The following CSMD1 variants were observed in gnomAD, a reference collection of about 807,000 sequenced individuals.
The protein encoded by CSMD1 is CUB and Sushi multiple domains 1, also known as CUB and sushi domain-containing protein 1.
CSMD1 carries 213 observed loss-of-function variants against 417.5 expected under a neutral mutation model. The ratio of observed to expected loss-of-function variants is 0.51; its 90% CI spans 0.46 to 0.57. The LOEUF is 0.57. Ranked by LOEUF, CSMD1 falls within the 20% of genes least tolerant of loss-of-function variation. The pLI, the probability that CSMD1 is intolerant of heterozygous loss-of-function variation, is 0.00. For synonymous variants in CSMD1, 2,862 were observed against 1,736.8 expected (o/e 1.65, Z -16.11); for missense variants, 6,923 against 4,529.7 (o/e 1.53, Z -15.17).
chr8:3,833,722 C>T (rs1292378476), intron 5 of CSMD1, among the ~76,000 whole-genome samples: 4 of 152,064 alleles, frequency 2.6e-5, no homozygotes, highest in African/African-American at 9.7e-5. Context: ...TATATAAGGT[C>T]TATGTTGGCA....
intron 2 of CSMD1, among the ~76,000 whole-genome samples, chr8:4,427,764 A>C (rs917699901): frequency 2.0e-5 from 3 of 152,210 alleles, no homozygotes; most frequent in Non-Finnish European, 2.9e-5. Flanking sequence ...CTCTCAATAG[A>C]AACTTCAATT....
At chr8:4,081,248 T>C (rs1000367528) in intron 3 of CSMD1, among the ~76,000 whole-genome samples, 2 of 152,194 alleles carry the variant, frequency 1.3e-5, no homozygotes, top group Non-Finnish European at 2.9e-5. Flanking sequence ...ACAAGCATTG[T>C]GGTAGCTCAT....
intron 3 of CSMD1, among the ~76,000 whole-genome samples, chr8:4,274,155 G>C (rs745499531): frequency 6.6e-6 from 1 of 152,026 alleles, no homozygotes; most frequent in Non-Finnish European, 1.5e-5. Context: ...ACTCACTAAT[G>C]TATTTTTTTG....
chr8:3,414,566 T>G (rs1464919151), intron 12 of CSMD1, among the ~76,000 whole-genome samples: 1 of 152,142 alleles, frequency 6.6e-6, no homozygotes, highest in Non-Finnish European at 1.5e-5. Flanking sequence ...GCCAAACTAT[T>G]TTCTCAAACT....
intron 1 of CSMD1, among the ~76,000 whole-genome samples, chr8:4,843,654 A>G (rs1800965473): frequency 1.3e-5 from 2 of 152,186 alleles, no homozygotes; most frequent in Admixed American, 1.3e-4. Context: ...GAATCTTATT[A>G]AATGAATTTC....
At chr8:4,226,492 T>A (rs887391364) in intron 3 of CSMD1, among the ~76,000 whole-genome samples, 1 of 152,166 alleles carries the variant, frequency 6.6e-6, no homozygotes, top group African/African-American at 2.4e-5. Flanking sequence ...TACAGGACTT[T>A]GCAGTAACAG....
At chr8:4,044,108 T>C (rs1414325978) in intron 3 of CSMD1, among the ~76,000 whole-genome samples, 2 of 152,160 alleles carry the variant, frequency 1.3e-5, no homozygotes, top group Non-Finnish European at 2.9e-5. Context: ...TTATTTGATA[T>C]GATATTTTCT....
At position 4,446,035 on chromosome 8, in the gene CSMD1, G is replaced by A. The variant is rs558816106; in HGVS notation, c.303-25970C>T. Among the ~76,000 whole-genome samples the A allele has an allele frequency of 9.1e-4, 139 of 152,274 alleles. 1 individual carries two copies. Among genetic ancestry groups the A allele is most frequent in the Middle Eastern group, 6.8e-3 (2 of 294 alleles). On this transcript the variant is annotated intron_variant, in intron 2 of 69. Coordinates refer to ENST00000635120, the MANE Select transcript of CSMD1 (RefSeq NM_033225.6). ...ACTCTGTGCCAACTCTTAGGAACTT[G>A]ACACAGCCCAAGAAGAGGAGACGAG...
At chr8:4,594,507 A>G (rs190792879) in intron 2 of CSMD1, among the ~76,000 whole-genome samples, 6 of 151,938 alleles carry the variant, frequency 3.9e-5, no homozygotes, top group Admixed American at 2.6e-4. Context: ...CCCTGAAATG[A>G]TCTGTTTCTA....
chr8:4,930,541 G>T (rs1385341389), intron 1 of CSMD1, among the ~76,000 whole-genome samples: 1 of 152,080 alleles, frequency 6.6e-6, no homozygotes, highest in Admixed American at 6.5e-5. Flanking sequence ...CCAATTCCTT[G>T]CAGCAGCATA....
Position 3,096,960 on chromosome 8 carries a change from T to TA in CSMD1, c.7026dup (p.Asn2343Ter). On this transcript the variant is annotated frameshift_variant, in exon 47 of 70. Transcript: ENST00000635120. LOFTEE classifies it high-confidence loss of function. ...ATACTCCAAGAGCAAGTCTGGGAGT[T>TA]AAAATAATTACCCGGATACCCTGGA... 1 of 1,555,234 alleles carries TA rather than the reference T, an allele frequency of 6.4e-7. No individual in the cohort carries two copies. The highest frequency in any genetic ancestry group is 8.7e-7 in the Non-Finnish European group (1 of 1,148,454).
In CSMD1 at chr8:4,420,021, G is replaced by T. The variant is rs760230512; in HGVS notation, c.347C>A (p.Ser116Tyr). Residue 116 changes from serine to tyrosine, a missense_variant, in exon 3 of 70, where the codon TCT (serine) becomes TAT (tyrosine). Ser to Tyr is a moderately radical substitution (Grantham distance 144, BLOSUM62 -2). Transcript: ENST00000635120. ...QLPSSIVSTG[S>Y]ILTLWFTTDF... is the part of the protein sequence containing the mutation. The stretch of plus-strand genomic sequence containing the variant: ...TGTCGTGAACCACAGAGTGAGGATA[G>T]ATCCTGTACTCACTATAGAGGAGGG... 1.3e-6 allele frequency: 2 copies of T among 1,584,560 alleles called. No individual in the cohort carries two copies. Among genetic ancestry groups the T allele is most frequent in the South Asian group, 1.2e-5 (1 of 86,422 alleles).
At chr8:4,200,504 A>C (rs1162114163) in intron 3 of CSMD1, among the ~76,000 whole-genome samples, 2 of 152,192 alleles carry the variant, frequency 1.3e-5, no homozygotes, top group Admixed American at 6.5e-5. Context: ...TTAGGTAAAA[A>C]ATGAGAAATT....
At chr8:3,746,296 T>C (rs1797063221) in intron 6 of CSMD1, among the ~76,000 whole-genome samples, 1 of 152,234 alleles carries the variant, frequency 6.6e-6, no homozygotes, top group Admixed American at 6.5e-5. Flanking sequence ...CTACCTGAAC[T>C]TTATTCTTGA....
intron 1 of CSMD1, among the ~76,000 whole-genome samples, chr8:4,757,783 AC>A (rs1239378640): frequency 1.3e-5 from 2 of 151,972 alleles, no homozygotes; most frequent in South Asian, 2.1e-4. Flanking sequence ...ACATGGTGAA[AC>A]CCTGTTTCTA....
intron 1 of CSMD1, among the ~76,000 whole-genome samples, chr8:4,706,743 G>C (rs760309542): frequency 6.6e-6 from 1 of 152,184 alleles, no homozygotes; most frequent in African/African-American, 2.4e-5. Flanking sequence ...GAGGCAGAGG[G>C]TCAGAGAGAA....
chr8:3,067,906 A>G (rs1813050380), intron 49 of CSMD1, among the ~76,000 whole-genome samples: 1 of 152,148 alleles, frequency 6.6e-6, no homozygotes, highest in Non-Finnish European at 1.5e-5. Context: ...GAAATATTAG[A>G]TGATTTATCC....
chr8:4,033,684 T>G (rs1174055645), intron 3 of CSMD1, among the ~76,000 whole-genome samples: 1 of 152,208 alleles, frequency 6.6e-6, no homozygotes, highest in Non-Finnish European at 1.5e-5. Context: ...TGGCTCAGAA[T>G]AAATCTCTTC....
chr8:3,821,500 GAGCTGGGTGC>G (rs140555831), intron 5 of CSMD1, among the ~76,000 whole-genome samples: 29,577 of 152,024 alleles, frequency 0.19, 3,176 homozygotes, highest in Middle Eastern at 0.26. Flanking sequence ...AGTCTACCAG[GAGCTGGGTGC>G]GGTGGCTCAC....
Sources: gnomAD v4.1 joint callset for allele counts (sites outside exome capture counted in the v4.1 genomes callset) on GRCh38, gnomAD v4.1.1 for gene constraint, MANE v1.5 for transcripts, NCBI Gene and HGNC (gene_info 2026-07-23, HGNC 2026-07-21) for gene names.